MMAB: variants seen among roughly 807,000 people sequenced by gnomAD.
The protein encoded by MMAB is corrinoid adenosyltransferase MMAB.
In MMAB, 17 loss-of-function variants were observed where a neutral mutation model predicts 30.6. That is an observed-to-expected ratio of 0.56 (90% confidence interval 0.38 to 0.83). The LOEUF (loss-of-function observed/expected upper bound fraction) is 0.83, where lower values mean the gene tolerates loss of function less well. Ranked by LOEUF, MMAB falls within the 40% of genes least tolerant of loss-of-function variation. The probability of loss-of-function intolerance (pLI) is 0.00; values close to 1 mark genes in which losing one functional copy is unlikely to be tolerated. For synonymous variants in MMAB, 134 were observed against 138.6 expected, an observed-to-expected ratio of 0.97 and a Z score of 0.23; for missense variants, 311 against 331.6, an observed-to-expected ratio of 0.94 and a Z score of 0.48.
chr12:109,559,496 C>T (rs1357286375), intron 7 of MMAB, among the ~76,000 whole-genome samples: 1 of 152,172 alleles, frequency 6.6e-6, no homozygotes, highest in Non-Finnish European at 1.5e-5. Flanking sequence ...CTGCCTCTAG[C>T]CTTCAAAGGA....
At chr12:109,559,046 C>G (rs565873916) in intron 8 of MMAB, 50 bp downstream of exon 8, 2 of 1,458,660 alleles carry the variant, frequency 1.4e-6, no homozygotes, top group South Asian at 2.3e-5. Context: ...CTACTTCCCA[C>G]AGATGAGCCT....
In MMAB at chr12:109,561,367, C is replaced by T; in HGVS notation, c.519+53G>A. ...GGATTTATTCAGAGCCCATGTGTGTCTGTCACTGAACCTGCCTGCAGCCGC... is the reference window on the plus strand; with the variant it reads ...GGATTTATTCAGAGCCCATGTGTGTTTGTCACTGAACCTGCCTGCAGCCGC... On this transcript the variant is annotated intron_variant, in intron 6 of 8. Coordinates refer to ENST00000545712, the MANE Select transcript of MMAB (RefSeq NM_052845.4). The surrounding 1 kb of genome is among the most constrained non-coding windows in gnomAD (Gnocchi z 5.3). 1 of 1,544,130 alleles carries T rather than the reference C, an allele frequency of 6.5e-7. No homozygotes were observed. The highest frequency in any genetic ancestry group is 2.4e-5 in the East Asian group (1 of 40,886).
Position 109,561,996 on chromosome 12 carries a change from C to G in MMAB, c.349-144G>C, listed in dbSNP as rs533783000. On this transcript the variant is annotated intron_variant, in intron 4 of 8. Transcript: ENST00000545712. The surrounding 1 kb of genome is among the most constrained non-coding windows in gnomAD (Gnocchi z 5.3). Reference sequence around the variant, plus strand: ...TGTGATATGGTTTGGCAATGTGTCCCCATCCAAATCTCATGTTAAATTGTG... The same window carrying G: ...TGTGATATGGTTTGGCAATGTGTCCGCATCCAAATCTCATGTTAAATTGTG... The G allele has an allele frequency of 1.4e-6, 1 of 716,418 alleles. No individual in the cohort carries two copies. The allele number at this position is 716,418 out of a possible 1,614,324, so 44.4% of individuals were successfully genotyped here. A position where few individuals can be genotyped will look rare whatever the true frequency, so the allele number is the denominator to read the frequency against.
intron 2 of MMAB, chr12:109,570,125 T>C: frequency 3.1e-6 from 1 of 320,814 alleles, no homozygotes. Context: ...TAGTTGGGCA[T>C]GGTGATGCAT....
chr12:109,555,822 A>C lies in MMAB; in HGVS notation c.*1206T>G, dbSNP rs1431471127. ...CCAGGTGGTAAGAATGAAGGCAAAA[A>C]TATGCACGTGACTAAGAAGGTAATG... is the stretch of plus-strand genomic sequence containing the variant. On this transcript the variant is annotated 3_prime_UTR_variant, in exon 9 of 9. Coordinates refer to ENST00000545712, the MANE Select transcript of MMAB (RefSeq NM_052845.4). 2.2e-6 allele frequency: 1 copy of C among 453,946 alleles called. No individual in the cohort carries two copies. The allele number at this position is 453,946 out of a possible 1,614,324, so 28.1% of individuals were successfully genotyped here. A position where few individuals can be genotyped will look rare whatever the true frequency, so the allele number is the denominator to read the frequency against.
At chr12:109,572,113 G>A (rs1415788784) in intron 1 of MMAB, among the ~76,000 whole-genome samples, 1 of 152,156 alleles carries the variant, frequency 6.6e-6, no homozygotes, top group African/African-American at 2.4e-5. Context: ...TTTTACTGAG[G>A]AGGAAACTAT....
intron 2 of MMAB, 80 bp downstream of exon 2, chr12:109,571,569 G>T: frequency 7.4e-7 from 1 of 1,355,750 alleles, no homozygotes; most frequent in South Asian, 1.2e-5. Flanking sequence ...CTTTAAAGTG[G>T]CTGCAAAGAA....
At chr12:109,557,245 C>T in intron 8 of MMAB, 109 bp from the exon 9 acceptor site, 1 of 808,090 alleles carries the variant, frequency 1.2e-6, no homozygotes. Flanking sequence ...ATGACGCACT[C>T]TGGGCACATT....
chr12:109,557,644 G>A (rs554787811), intron 8 of MMAB, among the ~76,000 whole-genome samples: 1 of 152,338 alleles, frequency 6.6e-6, no homozygotes, highest in East Asian at 1.9e-4. Context: ...TGACATTCTG[G>A]ATCATTCTGT....
chr12:109,553,853 T>A lies in MMAB; in HGVS notation c.*3175A>T, dbSNP rs1883874619. The A allele has an allele frequency of 2.2e-6, 1 of 453,912 alleles. No individual in the cohort carries two copies. The allele number at this position is 453,912 out of a possible 1,614,324, so 28.1% of individuals were successfully genotyped here. A position where few individuals can be genotyped will look rare whatever the true frequency, so the allele number is the denominator to read the frequency against. On this transcript the variant is annotated 3_prime_UTR_variant, in exon 9 of 9. Transcript: ENST00000545712. ...AAACTGAATGGGCTGTCGGAAGGTG[T>A]CGAGGCAGCAGCAAGGGTGACATTG...
In MMAB at chr12:109,565,146, G is replaced by T; in HGVS notation, c.321C>A (p.Gly107=). 3 of 1,613,982 alleles carry T rather than the reference G, an allele frequency of 1.9e-6. No individual in the cohort carries two copies. The highest frequency in any genetic ancestry group is 1.3e-5 in the African/African-American group (1 of 75,000). Residue 107 remains glycine, a synonymous_variant, in exon 4 of 9, where the codon GGC becomes GGA. Transcript: ENST00000545712. The part of the protein sequence containing the change: ...GFALELVTEK[G]HTFAEELQKI... The stretch of plus-strand genomic sequence containing the variant: ...TCTGAAGCTCTTCGGCAAATGTATG[G>T]CCCTTTTCTGTGACTAATTCCAGAG...
chr12:109,570,093 C>G (rs1224666317), intron 2 of MMAB: 1 of 321,130 alleles, frequency 3.1e-6, no homozygotes, highest in African/African-American at 2.3e-5. Context: ...AAATCCCCGT[C>G]TCTACTAAAA....
intron 3 of MMAB, chr12:109,567,718 A>T (rs1593003602): frequency 6.6e-6 from 1 of 152,150 alleles, no homozygotes; most frequent in Non-Finnish European, 1.5e-5. Flanking sequence ...TGCAGCCTCA[A>T]CCTCCCAGAC....
At chr12:109,562,205 A>G (rs1235114846) in intron 4 of MMAB, among the ~76,000 whole-genome samples, 1 of 152,146 alleles carries the variant, frequency 6.6e-6, no homozygotes, top group African/African-American at 2.4e-5. Context: ...GTGAAGATGT[A>G]CCTGCTTCCC....
Position 109,558,765 on chromosome 12 carries a change from G to A in MMAB, c.644+331C>T, listed in dbSNP as rs1048103179. Among the ~76,000 whole-genome samples the A allele has an allele frequency of 2.0e-5, 3 of 152,000 alleles. No individual in the cohort carries two copies. Among genetic ancestry groups the A allele is most frequent in the Non-Finnish European group, 2.9e-5 (2 of 67,992 alleles). ...GCTCCCTGGTCAGTCACCACCGAGA[G>A]GCCTCCCCTGAGCACCCAGCCTCTA... On this transcript the variant is annotated intron_variant, in intron 8 of 8. Transcript: ENST00000545712. The surrounding 1 kb of genome is among the most constrained non-coding windows in gnomAD (Gnocchi z 4.3).
intron 3 of MMAB, among the ~76,000 whole-genome samples, chr12:109,565,593 C>T (rs545788180): frequency 7.9e-5 from 12 of 152,274 alleles, no homozygotes; most frequent in African/African-American, 1.4e-4. Flanking sequence ...AATTCTGCAC[C>T]GCTGCTGAGT....
intron 1 of MMAB, 74 bp from the exon 2 acceptor site, chr12:109,571,784 C>A: frequency 7.7e-7 from 1 of 1,293,460 alleles, no homozygotes; most frequent in Non-Finnish European, 1.1e-6. Flanking sequence ...TCAGAGGGTC[C>A]CAGCTTGCTG....
At chr12:109,571,624 C>T (rs548705164) in intron 2 of MMAB, 25 bp downstream of exon 2, 23 of 1,608,474 alleles carry the variant, frequency 1.4e-5, no homozygotes, top group Admixed American at 5.0e-5. Context: ...TATTTCTTTG[C>T]ATTTTTCACC....
At chr12:109,570,256 C>CA (rs1325799194) in intron 2 of MMAB, among the ~76,000 whole-genome samples, 4 of 151,812 alleles carry the variant, frequency 2.6e-5, no homozygotes, top group Non-Finnish European at 1.5e-5. Context: ...GACCCTGTCT[C>CA]AAAAAACAAA....
Sources: allele counts gnomAD v4.1 joint callset (sites outside exome capture counted in the v4.1 genomes callset), GRCh38; gene constraint gnomAD v4.1.1; non-coding constraint Gnocchi (gnomAD v3.1); transcripts MANE v1.5; gene names NCBI Gene and HGNC (gene_info 2026-07-23, HGNC 2026-07-21).